CFAP161: variants seen among roughly 807,000 people sequenced by gnomAD.
CFAP161 encodes the protein cilia and flagella associated protein 161.
A neutral mutation model predicts 29.0 loss-of-function variants in CFAP161; 25 were observed. That is an observed-to-expected ratio of 0.86 (90% CI 0.63 to 1.20). The LOEUF (loss-of-function observed/expected upper bound fraction) is 1.20. Ranked by LOEUF, CFAP161 falls within the 50% of genes most tolerant of loss-of-function variation. The pLI is 0.00. For missense variants in CFAP161, 367 were observed against 371.9 expected, an observed-to-expected ratio of 0.99 and a Z score of 0.11; for synonymous variants, 116 against 137.4, an observed-to-expected ratio of 0.84 and a Z score of 1.09.
intron 1 of CFAP161, among the ~76,000 whole-genome samples, chr15:81,120,568 G>A (rs764885127): frequency 6.6e-6 from 1 of 152,186 alleles, no homozygotes; most frequent in Non-Finnish European, 1.5e-5. Flanking sequence ...AGGAGTTCAA[G>A]ACCAGCTCTG....
At chr15:81,105,193 C>A (rs1454543093) in intron 1 of CFAP161, among the ~76,000 whole-genome samples, 1 of 81,972 alleles carries the variant, frequency 1.2e-5, no homozygotes. Flanking sequence ...TTTTTCCTCC[C>A]TCACTCCCCC....
chr15:81,114,959 TA>T (rs913533161), intron 1 of CFAP161, among the ~76,000 whole-genome samples: 4 of 151,984 alleles, frequency 2.6e-5, no homozygotes, highest in African/African-American at 7.3e-5. Flanking sequence ...GTTTTTAAAA[TA>T]AAAAAAATGA....
Position 81,148,614 on chromosome 15 carries a change from C to A in CFAP161, c.*81C>A. On this transcript the variant is annotated 3_prime_UTR_variant, in exon 7 of 7. Transcript: ENST00000286732. ...AAAGAAATTAACAACCTTGGTCATG[C>A]CTCAAGCTATTTTTGAATCAGATGT... The A allele has an allele frequency of 7.4e-7, 1 of 1,356,890 alleles. No individual in the cohort carries two copies. The highest frequency in any genetic ancestry group is 1.0e-6 in the Non-Finnish European group (1 of 996,704). 84.1% of individuals were successfully genotyped at this position (1,356,890 alleles called of 1,614,324 possible).
intron 1 of CFAP161, among the ~76,000 whole-genome samples, chr15:81,106,540 C>T (rs1040183400): frequency 4.6e-5 from 7 of 152,224 alleles, no homozygotes; most frequent in African/African-American, 1.7e-4. Context: ...AGGTTTACAA[C>T]TCCCTTTGGA....
intron 1 of CFAP161, among the ~76,000 whole-genome samples, chr15:81,111,400 C>G (rs1368170010): frequency 6.6e-6 from 1 of 152,220 alleles, no homozygotes; most frequent in Non-Finnish European, 1.5e-5. Context: ...AGTTCCACCT[C>G]CTTATCCCCG....
intron 3 of CFAP161, among the ~76,000 whole-genome samples, chr15:81,137,283 A>G (rs973755506): frequency 3.3e-5 from 5 of 152,210 alleles, no homozygotes; most frequent in African/African-American, 2.4e-5. Context: ...TATGACAGCA[A>G]TGTAAGCATT....
chr15:81,103,782 G>A (rs1595907289), intron 1 of CFAP161, among the ~76,000 whole-genome samples: 1 of 152,270 alleles, frequency 6.6e-6, no homozygotes, highest in African/African-American at 2.4e-5. Context: ...GTCTGAACTT[G>A]CAACTGGTAT....
intron 1 of CFAP161, chr15:81,117,725 C>A: frequency 3.1e-6 from 1 of 320,496 alleles, no homozygotes; most frequent in Non-Finnish European, 6.3e-6. Context: ...CATCCTCATC[C>A]ATCTTCATCT....
At chr15:81,109,864 G>T (rs1894419721) in intron 1 of CFAP161, among the ~76,000 whole-genome samples, 2 of 151,992 alleles carry the variant, frequency 1.3e-5, no homozygotes, top group African/African-American at 4.8e-5. Context: ...CTTCAACATT[G>T]CCTCATCCCT....
chr15:81,136,859 T>C (rs957307762), intron 3 of CFAP161, 111 bp downstream of exon 3: 8 of 840,872 alleles, frequency 9.5e-6, no homozygotes, highest in South Asian at 1.8e-5. Context: ...TTTGTGAACA[T>C]TTTTCGTGAT....
chr15:81,112,589 G>T (rs939229001), intron 1 of CFAP161, among the ~76,000 whole-genome samples: 3 of 152,164 alleles, frequency 2.0e-5, no homozygotes, highest in Non-Finnish European at 2.9e-5. Context: ...TACCTTGGCT[G>T]GAGGTAGGGA....
chr15:81,134,209 C>T (rs1268355834), upstream of CFAP161: 3 of 1,214,800 alleles, frequency 2.5e-6, no homozygotes, highest in Non-Finnish European at 3.4e-6. Flanking sequence ...TGCGCGCTGT[C>T]GCTTATTGGC....
intron 1 of CFAP161, among the ~76,000 whole-genome samples, chr15:81,102,211 G>A (rs1390204676): frequency 6.6e-6 from 1 of 152,188 alleles, no homozygotes; most frequent in East Asian, 1.9e-4. Flanking sequence ...GAAAAGAGTG[G>A]TTCTGATCTA....
intron 2 of CFAP161, among the ~76,000 whole-genome samples, chr15:81,135,901 T>C (rs1894801584): frequency 6.6e-6 from 1 of 152,164 alleles, no homozygotes; most frequent in Non-Finnish European, 1.5e-5. Context: ...AAATACCATT[T>C]GACCCAGACA....
intron 5 of CFAP161, among the ~76,000 whole-genome samples, chr15:81,144,657 A>G (rs909164777): frequency 2.0e-5 from 3 of 151,898 alleles, no homozygotes; most frequent in African/African-American, 4.8e-5. Flanking sequence ...TGTGGTGGTG[A>G]GCACCTGTAG....
rs1894789091 is a variant in CFAP161, at chr15:81,135,264, G to C, written c.70-6G>C. 2.5e-6 allele frequency: 4 copies of C among 1,575,294 alleles called. No homozygotes were observed. The highest frequency in any genetic ancestry group is 3.4e-6 in the Non-Finnish European group (4 of 1,161,874). ...TCAGGGCTACTTTTGTTGATTTTCTGTTTAGGAGCTCATGAAAGACTTCTT... is the reference window on the plus strand; with the variant it reads ...TCAGGGCTACTTTTGTTGATTTTCTCTTTAGGAGCTCATGAAAGACTTCTT... On this transcript the variant is annotated splice_polypyrimidine_tract_variant and splice_region_variant and intron_variant, in intron 1 of 6. Transcript: ENST00000286732.
intron 1 of CFAP161, among the ~76,000 whole-genome samples, chr15:81,100,619 A>G (rs1411420401): frequency 1.3e-5 from 2 of 152,090 alleles, no homozygotes; most frequent in African/African-American, 2.4e-5. Flanking sequence ...TAAAAAAATT[A>G]TCTACTTTTT....
intron 5 of CFAP161, among the ~76,000 whole-genome samples, chr15:81,145,684 T>C (rs1416558549): frequency 2.6e-5 from 4 of 152,190 alleles, no homozygotes; most frequent in Non-Finnish European, 4.4e-5. Context: ...CAAACCTGTC[T>C]GAGCTACCTT....
intron 1 of CFAP161, among the ~76,000 whole-genome samples, chr15:81,123,021 T>C (rs1046054638): frequency 3.3e-5 from 5 of 152,258 alleles, no homozygotes; most frequent in Non-Finnish European, 7.3e-5. Context: ...TTTCTTTTGC[T>C]GTGCAGAGCT....
Sources: gnomAD v4.1 joint callset for allele counts (sites outside exome capture counted in the v4.1 genomes callset) on GRCh38, gnomAD v4.1.1 for gene constraint, MANE v1.5 for transcripts, NCBI Gene and HGNC (gene_info 2026-07-23, HGNC 2026-07-21) for gene names.